The following CCDC74B variants were observed in gnomAD, a reference collection of about 807,000 sequenced individuals.
CCDC74B encodes the protein coiled-coil domain containing 74B.
Under a neutral mutation model 38.0 loss-of-function variants are expected in CCDC74B, and 34 were observed. The observed-to-expected ratio is 0.89, with a 90% CI of 0.68 to 1.19. The LOEUF (loss-of-function observed/expected upper bound fraction) is 1.19. CCDC74B is among the 50% of genes most tolerant of loss of function. The probability of loss-of-function intolerance (pLI) is 0.00; values close to 1 mark genes in which losing one functional copy is unlikely to be tolerated. For synonymous variants in CCDC74B, 132 were observed against 170.4 expected, an observed-to-expected ratio of 0.77 and a Z score of 1.76; for missense variants, 358 against 406.0, an observed-to-expected ratio of 0.88 and a Z score of 1.02.
At position 130,139,549 on chromosome 2, in the gene CCDC74B, G is replaced by A. The variant is rs374773706; in HGVS notation, c.*6C>T. 14 of 1,613,254 alleles carry A rather than the reference G, an allele frequency of 8.7e-6. No homozygotes were observed. Among genetic ancestry groups the A allele is most frequent in the Non-Finnish European group, 1.2e-5 (14 of 1,180,008 alleles). ...GTGGGCCTGGCACTGACCAGATGCG[G>A]GTAGCTCAAAGCACCGAGCGATGCA... On this transcript the variant is annotated 3_prime_UTR_variant, in exon 8 of 8. Coordinates refer to ENST00000409943, the MANE Select transcript of CCDC74B (RefSeq NM_001258307.2).
In CCDC74B at chr2:130,139,557, A is replaced by G; in HGVS notation, c.943T>C (p.Ter315ArgextTer24). ...QKRRLHRSVL[*>R] ...GGCACTGACCAGATGCGGGTAGCTCAAAGCACCGAGCGATGCAGGCGCCGT... is the reference window on the plus strand; with the variant it reads ...GGCACTGACCAGATGCGGGTAGCTCGAAGCACCGAGCGATGCAGGCGCCGT... Residue 315 changes from the stop codon to arginine, a stop_lost, in exon 8 of 8, where the codon TGA becomes CGA. Coordinates refer to ENST00000409943, the MANE Select transcript of CCDC74B (RefSeq NM_001258307.2). The G allele has an allele frequency of 6.2e-7, 1 of 1,613,450 alleles. No individual in the cohort carries two copies. Among genetic ancestry groups the G allele is most frequent in the South Asian group, 1.1e-5 (1 of 91,074 alleles).
intron 1 of CCDC74B, among the ~76,000 whole-genome samples, 196 bp from the exon 2 acceptor site, chr2:130,143,509 T>C (rs1685809641): frequency 6.6e-6 from 1 of 152,176 alleles, no homozygotes; most frequent in African/African-American, 2.4e-5. Flanking sequence ...CCCCTGCCTG[T>C]TCCCTAGGCA....
At position 130,139,928 on chromosome 2, in the gene CCDC74B, A is replaced by C. The variant is rs1685483863; in HGVS notation, c.772T>G (p.Phe258Val). The C allele has an allele frequency of 6.2e-7, 1 of 1,611,946 alleles. No individual in the cohort carries two copies. The highest frequency in any genetic ancestry group is 1.1e-5 in the South Asian group (1 of 90,900). Residue 258 changes from phenylalanine (F) to valine (V), a missense_variant, in exon 7 of 8, where the codon TTC (phenylalanine) becomes GTC (valine). By Grantham distance (50) the Phe-to-Val change is conservative (BLOSUM62 -1). This residue lies in a region of CCDC74B where 213 missense variants were observed against 212.3 expected (regional missense o/e 1.00). Transcript: ENST00000409943. ...AGGCTCTTGGTGGAGACCTTGGGGA[A>C]ATGCGTGGCTTCTTGGTCCCTGGGT... ...SFPRDQEATH[F>V]PKVSTKSLSK...
intron 2 of CCDC74B, 160 bp downstream of exon 2, chr2:130,143,109 C>A (rs767671150): frequency 5.3e-6 from 8 of 1,497,986 alleles, no homozygotes; most frequent in Non-Finnish European, 4.5e-6. Context: ...CATCATCCAG[C>A]CACGGCTAGA....
chr2:130,144,400 A>G, intron 1 of CCDC74B: 1 of 1,112,126 alleles, frequency 9.0e-7, no homozygotes, highest in South Asian at 1.3e-5. Context: ...CGGTCTCCCA[A>G]AGTGCTGGAA....
chr2:130,142,729 T>C lies in CCDC74B; in HGVS notation c.295+540A>G, dbSNP rs1292107827. On this transcript the variant is annotated intron_variant, in intron 2 of 7. Coordinates refer to ENST00000409943, the MANE Select transcript of CCDC74B (RefSeq NM_001258307.2). ...CCACAACCCAGAATCCTGGGCTGGG[T>C]GGGGGCCGCTGTCAGGATGGGGAAG... The C allele has an allele frequency of 3.2e-6, 5 of 1,547,814 alleles. No homozygotes were observed. In the East Asian group the frequency reaches 9.8e-5, roughly 30 times the overall value.
intron 1 of CCDC74B, 111 bp downstream of exon 1, chr2:130,144,636 C>T (rs1685915333): frequency 6.5e-7 from 1 of 1,547,236 alleles, no homozygotes; most frequent in Non-Finnish European, 8.7e-7. Flanking sequence ...TGTGTTCCCC[C>T]TGAGCCCAGG....
At position 130,143,187 on chromosome 2, in the gene CCDC74B, G is replaced by C. The variant is rs540797047; in HGVS notation, c.295+82C>G. ...GGGTTGGCATACAGGGGCCAGTGCA[G>C]CCAGGTGGGCAAGGACAGTCTGGAG... On this transcript the variant is annotated intron_variant, in intron 2 of 7. Coordinates refer to ENST00000409943, the MANE Select transcript of CCDC74B (RefSeq NM_001258307.2). 444 of 1,563,720 alleles carry C rather than the reference G, an allele frequency of 2.8e-4. 2 individuals carry two copies. The African/African-American group carries it at 5.2e-3, about 18-fold the overall frequency.
At chr2:130,143,242 T>G in intron 2 of CCDC74B, 27 bp downstream of exon 2, 11 of 1,610,022 alleles carry the variant, frequency 6.8e-6, no homozygotes, top group Non-Finnish European at 9.3e-6. Flanking sequence ...GAGCATCCCA[T>G]CAGGAACTGA....
At position 130,140,306 on chromosome 2, in the gene CCDC74B, C is replaced by G. The variant is rs1463765108; in HGVS notation, c.551G>C (p.Arg184Thr). 6.2e-7 allele frequency: 1 copy of G among 1,612,566 alleles called. No individual in the cohort carries two copies. The highest frequency in any genetic ancestry group is 1.7e-5 in the Admixed American group (1 of 59,910). ...GGGGTGTGCCGCCGCCCCCATCTGC[C>G]TGCCCTGGTGCTGGCTGTTCCCCAT... Reference protein sequence around the residue: ...ACMGNSQHQGRQMGAAAHPPM... With the variant: ...ACMGNSQHQGTQMGAAAHPPM... The change falls in exon 5 of 8, where the codon AGG becomes ACG. Residue 184 changes from arginine to threonine, a missense_variant. Physicochemically the swap from Arg to Thr is moderately conservative, Grantham distance 71. This residue lies in a region of CCDC74B where 213 missense variants were observed against 212.3 expected (regional missense o/e 1.00). Coordinates refer to ENST00000409943, the MANE Select transcript of CCDC74B (RefSeq NM_001258307.2).
intron 3 of CCDC74B, 90 bp downstream of exon 3, chr2:130,142,043 G>A: frequency 2.6e-6 from 4 of 1,566,862 alleles, no homozygotes; most frequent in Non-Finnish European, 3.5e-6. Context: ...CCCAGCAGAG[G>A]GTACCTGGTC....
intron 2 of CCDC74B, 53 bp downstream of exon 2, chr2:130,143,216 C>G (rs1469056886): frequency 6.3e-7 from 1 of 1,591,974 alleles, no homozygotes; most frequent in Non-Finnish European, 8.6e-7. Context: ...TCTGGAGGGG[C>G]TCCCCTGGGT....
intron 4 of CCDC74B, chr2:130,140,737 C>G (rs1241240847): frequency 2.6e-6 from 1 of 385,280 alleles, no homozygotes; most frequent in East Asian, 5.3e-5. Context: ...TCTGTAGCAT[C>G]TCAGGGCAGT....
In CCDC74B at chr2:130,144,959, G is replaced by C. The variant is rs746992987; in HGVS notation, c.38C>G (p.Pro13Arg). The change falls in exon 1 of 8, where the codon CCC (proline) becomes CGC (arginine). Residue 13 changes from proline to arginine, a missense_variant. Pro to Arg is a moderately radical substitution (Grantham distance 103). This residue lies in a region of CCDC74B where 128 missense variants were observed against 146.7 expected (regional missense o/e 0.87). Transcript: ENST00000409943. ...CCGAGAGCCCGGGGTCGGCGAGCTG[G>C]GGGGCCGCGTCCCAGCCGCCACCCC... The part of the protein sequence containing the change: ...GAGVAAGTRP[P>R]SSPTPGSRRR... The C allele has an allele frequency of 4.0e-6, 6 of 1,486,516 alleles. No homozygotes were observed. The South Asian group carries it at 4.1e-5, about 10-fold the overall frequency. The allele number at this position is 1,486,516 out of a possible 1,614,324, so 92.1% of individuals were successfully genotyped here. A position where few individuals can be genotyped will look rare whatever the true frequency, so the allele number is the denominator to read the frequency against.
chr2:130,140,047 A>G lies in CCDC74B; in HGVS notation c.728T>C (p.Val243Ala), dbSNP rs2259332. 0.35 allele frequency: 472,680 copies of G among 1,363,578 alleles called. 109,617 individuals are homozygous for G. The highest frequency in any genetic ancestry group is 0.42 in the East Asian group (17,641 of 41,850). The allele number at this position is 1,363,578 out of a possible 1,614,324, so 84.5% of individuals were successfully genotyped here. The change falls in exon 6 of 8, where the codon GTC (valine) becomes GCC (alanine). Residue 243 changes from valine to alanine, a missense_variant. Coordinates refer to ENST00000409943, the MANE Select transcript of CCDC74B (RefSeq NM_001258307.2). ...CCTGGGAAAGCTAGCTTCCTCCGGGACTGCCTGGGGCCTCTGGCTCCCTTC... is the reference window on the plus strand; with the variant it reads ...CCTGGGAAAGCTAGCTTCCTCCGGGGCTGCCTGGGGCCTCTGGCTCCCTTC... Reference protein sequence around the residue: ...LLEGSQRPQAVPEEASFPRDQ... With the variant: ...LLEGSQRPQAAPEEASFPRDQ...
chr2:130,143,124 G>T, intron 2 of CCDC74B, 145 bp downstream of exon 2: 1 of 1,516,166 alleles, frequency 6.6e-7, no homozygotes, highest in Non-Finnish European at 8.8e-7. Context: ...GCTAGAGGTA[G>T]CGGCATCTGT....
rs1573643770 is a variant in CCDC74B at position 130,144,757 on chromosome 2, C to A, written c.240G>T (p.Arg80=). 6 of 1,612,628 alleles carry A rather than the reference C, an allele frequency of 3.7e-6. No homozygotes were observed. The highest frequency in any genetic ancestry group is 2.2e-5 in the East Asian group (1 of 44,810). ...CCCGCGCCGGCTCACCCTTGTTTTC[C>A]CGCTTCAGATGCTCGATCTCCTCAT... is the stretch of plus-strand genomic sequence containing the variant. ...KLHEEIEHLK[R]ENKDLRYKLI... The change falls in exon 1 of 8, where the codon CGG becomes CGT. Residue 80 remains arginine, a synonymous_variant. Coordinates refer to ENST00000409943, the MANE Select transcript of CCDC74B (RefSeq NM_001258307.2).
rs1685926600 is a variant in CCDC74B at position 130,144,762 on chromosome 2, T to C, written c.235A>G (p.Lys79Glu). 1.2e-6 allele frequency: 2 copies of C among 1,612,808 alleles called. No individual in the cohort carries two copies. The highest frequency in any genetic ancestry group is 8.5e-7 in the Non-Finnish European group (1 of 1,179,668). The stretch of plus-strand genomic sequence containing the variant: ...GCCGGCTCACCCTTGTTTTCCCGCT[T>C]CAGATGCTCGATCTCCTCATGGAGC... ...AKLHEEIEHL[K>E]RENKDLRYKL... is the part of the protein sequence containing the mutation. Residue 79 changes from lysine to glutamate, a missense_variant, in exon 1 of 8, where the codon AAG (lysine) becomes GAG (glutamate). Physicochemically the swap from Lys to Glu is moderately conservative, Grantham distance 56 (BLOSUM62 1). Around this residue, in one of 3 missense-constraint regions of CCDC74B, gnomAD observed 128 missense variants for 146.7 expected, o/e 0.87. Coordinates refer to ENST00000409943, the MANE Select transcript of CCDC74B (RefSeq NM_001258307.2).
Position 130,139,663 on chromosome 2 carries a change from C to G in CCDC74B, c.837G>C (p.Glu279Asp). The change falls in exon 8 of 8, where the codon GAG becomes GAC. Residue 279 changes from glutamate (E) to aspartate (D), a missense_variant. Physicochemically the swap from Glu to Asp is conservative, Grantham distance 45 (BLOSUM62 2). Around this residue, in one of 3 missense-constraint regions of CCDC74B, gnomAD observed 213 missense variants for 212.3 expected, o/e 1.00. Transcript: ENST00000409943. ...GCTTCAGTGCGGGCAGGATGGCACGCTCCGCCACAGGTGGGCTCAGAAGCA... is the reference window on the plus strand; with the variant it reads ...GCTTCAGTGCGGGCAGGATGGCACGGTCCGCCACAGGTGGGCTCAGAAGCA... ...KCLLLSPPVA[E>D]RAILPALKQT... 6.2e-7 allele frequency: 1 copy of G among 1,613,178 alleles called. No individual in the cohort carries two copies.
Sources: gnomAD v4.1 joint callset for allele counts (sites outside exome capture counted in the v4.1 genomes callset) on GRCh38, gnomAD v4.1.1 for gene constraint, gnomAD v4.1.1 regional missense constraint, MANE v1.5 for transcripts, NCBI Gene and HGNC (gene_info 2026-07-23, HGNC 2026-07-21) for gene names.